Variants in DSTYK observed in about 807,000 individuals in gnomAD.
DSTYK encodes the protein RIP-homologous kinase.
Under a neutral mutation model 98.7 loss-of-function variants are expected in DSTYK, and 34 were observed. The observed-to-expected ratio is 0.34, with a 90% CI of 0.26 to 0.46. The LOEUF is 0.46. DSTYK is among the 20% of genes least tolerant of loss of function. DSTYK has a pLI of 1.00. For missense variants in DSTYK, 962 were observed against 1,181.7 expected, an observed-to-expected ratio of 0.81 and a Z score of 2.73; for synonymous variants, 462 against 457.3, an observed-to-expected ratio of 1.01 and a Z score of -0.13.
intron 2 of DSTYK, among the ~76,000 whole-genome samples, chr1:205,170,166 T>C (rs1658016981): frequency 1.3e-5 from 2 of 152,100 alleles, no homozygotes; most frequent in African/African-American, 4.8e-5. Flanking sequence ...AGACAAATAA[T>C]GGAAGAAAAA....
chr1:205,180,525 C>T (rs1658366220), intron 2 of DSTYK, among the ~76,000 whole-genome samples: 1 of 152,176 alleles, frequency 6.6e-6, no homozygotes. Flanking sequence ...AATGCAATGG[C>T]GCGGTCTCAG....
chr1:205,144,295 A>C lies in DSTYK; in HGVS notation c.*3263T>G, dbSNP rs2102364970. On this transcript the variant is annotated 3_prime_UTR_variant, in exon 13 of 13. Coordinates refer to ENST00000367162, the MANE Select transcript of DSTYK (RefSeq NM_015375.3). ...GTTGATTAGAAGGACAGACCACAAT[A>C]AGGGTCATTCTTTCATGCCATCCTT... The C allele has an allele frequency of 6.5e-6, 1 of 152,716 alleles. No homozygotes were observed. Among genetic ancestry groups the C allele is most frequent in the East Asian group, 1.9e-4 (1 of 5,194 alleles). 9.5% of individuals were successfully genotyped at this position (152,716 alleles called of 1,614,324 possible). A position where few individuals can be genotyped will look rare whatever the true frequency, so the allele number is the denominator to read the frequency against.
In DSTYK at chr1:205,211,495, G is replaced by C; in HGVS notation, c.41C>G (p.Ser14Trp). 2 of 1,578,214 alleles carry C rather than the reference G, an allele frequency of 1.3e-6. No homozygotes were observed. Among genetic ancestry groups the C allele is most frequent in the South Asian group, 2.3e-5 (2 of 87,616 alleles). The change falls in exon 1 of 13, where the codon TCG becomes TGG. Residue 14 changes from serine to tryptophan, a missense_variant. By Grantham distance (177) the Ser-to-Trp change is radical (BLOSUM62 -3). Transcript: ENST00000367162. ...DGVPWGSEPV[S>W]GPGPGGGGMI... ...TCCGCCGCCGCCGGGGCCGGGACCC[G>C]AGACGGGCTCGCTGCCCCATGGCAC...
At chr1:205,203,221 G>C (rs1574802605) in intron 1 of DSTYK, among the ~76,000 whole-genome samples, 1 of 151,198 alleles carries the variant, frequency 6.6e-6, no homozygotes, top group African/African-American at 2.4e-5. Context: ...GGGAGCTCAC[G>C]CCTGTAATCC....
At chr1:205,199,897 A>T (rs1358799506) in intron 1 of DSTYK, among the ~76,000 whole-genome samples, 3 of 152,226 alleles carry the variant, frequency 2.0e-5, no homozygotes, top group Non-Finnish European at 4.4e-5. Context: ...GAAAGACAGA[A>T]ATGAAAGAAG....
At chr1:205,153,950 G>GTGATTCACCC (rs1033588037) in intron 10 of DSTYK, among the ~76,000 whole-genome samples, 9 of 150,414 alleles carry the variant, frequency 6.0e-5, no homozygotes, top group African/African-American at 2.2e-4. Context: ...CTGACCTCAG[G>GTGATTCACCC]TGATTCACCC....
intron 1 of DSTYK, among the ~76,000 whole-genome samples, chr1:205,206,152 C>T (rs1438327743): frequency 2.0e-5 from 3 of 152,200 alleles, no homozygotes; most frequent in Non-Finnish European, 2.9e-5. Context: ...AGGCCAATGT[C>T]TTTATTTGAC....
At chr1:205,176,584 G>T (rs780182963) in intron 2 of DSTYK, among the ~76,000 whole-genome samples, 1 of 146,010 alleles carries the variant, frequency 6.8e-6, no homozygotes, top group African/African-American at 2.5e-5. Context: ...TGGGTATAAA[G>T]TGTAAAATGA....
At chr1:205,202,677 G>C in intron 1 of DSTYK, 1 of 1,161,512 alleles carries the variant, frequency 8.6e-7, no homozygotes. Flanking sequence ...CAGAAGAGGA[G>C]GGTGCCCAGA....
chr1:205,211,430 G>A lies in DSTYK; in HGVS notation c.106C>T (p.Arg36Cys), dbSNP rs559636939. 1.9e-6 allele frequency: 3 copies of A among 1,606,554 alleles called. No individual in the cohort carries two copies. The highest frequency in any genetic ancestry group is 2.7e-5 in the African/African-American group (2 of 74,880). Residue 36 changes from arginine (R) to cysteine (C), a missense_variant, in exon 1 of 13, where the codon CGC (arginine) becomes TGC (cysteine). Physicochemically the swap from Arg to Cys is radical, Grantham distance 180. Around this residue, in one of 4 missense-constraint regions of DSTYK, gnomAD observed 168 missense variants for 120.0 expected, o/e 1.40. Coordinates refer to ENST00000367162, the MANE Select transcript of DSTYK (RefSeq NM_015375.3). ...ELCRGFGRYRRYLGRLRQNLR... is the reference protein window; with the variant it reads ...ELCRGFGRYRCYLGRLRQNLR... The stretch of plus-strand genomic sequence containing the variant: ...TTCTGTCGCAGCCGTCCCAGGTAGC[G>A]GCGGTAGCGGCCGAAGCCCCGGCAC...
Position 205,163,769 on chromosome 1 carries a change from T to C in DSTYK, c.1511A>G (p.Lys504Arg). ...GATGTGAACTGAGACATCCTGAGAC[T>C]TCTCCAGGCTCTGCAGACATCGTTC... is the stretch of plus-strand genomic sequence containing the variant. Reference protein sequence around the residue: ...TLERCLQSLEKSQDVSVHITS... With the variant: ...TLERCLQSLERSQDVSVHITS... The change falls in exon 4 of 13, where the codon AAG becomes AGG. Residue 504 changes from lysine (K) to arginine (R), a missense_variant. This residue lies in a region of DSTYK where 660 missense variants were observed against 855.0 expected (regional missense o/e 0.77). Transcript: ENST00000367162. 6.2e-7 allele frequency: 1 copy of C among 1,614,160 alleles called. No homozygotes were observed.
rs147190858 is a variant in DSTYK, at chr1:205,162,123, G to A, written c.1731C>T (p.Ser577=). 826 of 1,614,108 alleles carry A rather than the reference G, an allele frequency of 5.1e-4. 4 individuals carry two copies. The highest frequency in any genetic ancestry group is 1.3e-3 in the African/African-American group (97 of 75,032). ...AAATGCTCTTAGCCAATTTGGAGGC[G>A]CTGAGGCTCTCAATGGCTTCCTGGG... The part of the protein sequence containing the change: ...KVAQEAIESL[S]ASKLAKSICS... The change falls in exon 6 of 13, where the codon AGC becomes AGT. Residue 577 remains serine (S), a synonymous_variant. Coordinates refer to ENST00000367162, the MANE Select transcript of DSTYK (RefSeq NM_015375.3).
chr1:205,149,360 A>C (rs1001081701), intron 11 of DSTYK, among the ~76,000 whole-genome samples: 3 of 152,146 alleles, frequency 2.0e-5, no homozygotes, highest in Non-Finnish European at 4.4e-5. Flanking sequence ...GAAATGAAAG[A>C]AATTTAAATA....
At chr1:205,176,446 A>C (rs1427872647) in intron 2 of DSTYK, among the ~76,000 whole-genome samples, 1 of 130,398 alleles carries the variant, frequency 7.7e-6, no homozygotes, top group Admixed American at 9.3e-5. Context: ...ATAGCACTCC[A>C]GCCTGGGCAA....
chr1:205,176,014 AACTC>A (rs1342305727), intron 2 of DSTYK, among the ~76,000 whole-genome samples: 2 of 152,220 alleles, frequency 1.3e-5, no homozygotes, highest in Non-Finnish European at 2.9e-5. Context: ...TTTTGCTCCT[AACTC>A]AATCAAGTAA....
chr1:205,183,080 G>GCGCA (rs1491571034), intron 2 of DSTYK, among the ~76,000 whole-genome samples: 3 of 88,764 alleles, frequency 3.4e-5, no homozygotes, highest in African/African-American at 6.7e-5. Context: ...AAAAAAAAAA[G>GCGCA]CACACACACA....
In DSTYK at chr1:205,161,322, A is replaced by T. The variant is rs553241241; in HGVS notation, c.1884T>A (p.Asp628Glu). 2.1e-4 allele frequency: 343 copies of T among 1,614,172 alleles called. 5 individuals are homozygous for T. The South Asian group carries it at 3.6e-3, about 17-fold the overall frequency. ...TEDLWLRVRKDHAPRLARLSL... is the reference protein window; with the variant it reads ...TEDLWLRVRKEHAPRLARLSL... ...AAAGGCGGGCCAGGCGGGGAGCATG[A>T]TCTTTCCGAACCCTCAGCCATAGAT... Residue 628 changes from aspartate (D) to glutamate (E), a missense_variant, in exon 7 of 13, where the codon GAT becomes GAA. By Grantham distance (45) the Asp-to-Glu change is conservative (BLOSUM62 2). Transcript: ENST00000367162.
chr1:205,145,525 G>GTTTTTTTTTTTTTTTTTTTTTTTTTTT lies in DSTYK; in HGVS notation c.*2032_*2033insAAAAAAAAAAAAAAAAAAAAAAAAAAA, dbSNP rs61220458. 2 of 125,544 alleles carry GTTTTTTTTTTTTTTTTTTTTTTTTTTT rather than the reference G, an allele frequency of 1.6e-5. 1 individual carries two copies. 7.8% of individuals were successfully genotyped at this position (125,544 alleles called of 1,614,324 possible). A position where few individuals can be genotyped will look rare whatever the true frequency, so the allele number is the denominator to read the frequency against. The stretch of plus-strand genomic sequence containing the variant: ...GATGTGCGACTCATCTTTGTTTTTT[G>GTTTTTTTTTTTTTTTTTTTTTTTTTTT]TTTTTTTTTTTGTTTTTTTTTGAGA... On this transcript the variant is annotated 3_prime_UTR_variant, in exon 13 of 13. Coordinates refer to ENST00000367162, the MANE Select transcript of DSTYK (RefSeq NM_015375.3).
intron 3 of DSTYK, among the ~76,000 whole-genome samples, chr1:205,164,388 G>A (rs1426610448): frequency 2.0e-5 from 3 of 151,858 alleles, no homozygotes; most frequent in African/African-American, 7.3e-5. Context: ...CCTGGGTGAT[G>A]GGAGTGAGAC....
Sources: allele counts gnomAD v4.1 joint callset (sites outside exome capture counted in the v4.1 genomes callset), GRCh38; gene constraint gnomAD v4.1.1; regional missense constraint gnomAD v4.1.1; transcripts MANE v1.5; gene names NCBI Gene and HGNC (gene_info 2026-07-23, HGNC 2026-07-21).